TMEM165: variants seen among roughly 807,000 people sequenced by gnomAD.
The protein encoded by TMEM165 is transmembrane protein 165.
Under a neutral mutation model 30.0 loss-of-function variants are expected in TMEM165, and 19 were observed. The ratio of observed to expected loss-of-function variants is 0.63; its 90% confidence interval spans 0.44 to 0.93. The LOEUF is 0.93. Ranked by LOEUF, TMEM165 falls within the 40% of genes least tolerant of loss-of-function variation. The pLI is 0.00. For synonymous variants in TMEM165, 168 were observed against 162.9 expected (o/e 1.03, Z -0.24); for missense variants, 340 against 417.0 (o/e 0.82, Z 1.61).
intron 1 of TMEM165, among the ~76,000 whole-genome samples, chr4:55,404,576 C>T (rs1721195870): frequency 1.3e-5 from 2 of 151,822 alleles, no homozygotes; most frequent in South Asian, 4.1e-4. Flanking sequence ...CAGGTGCATG[C>T]CACCACACCT....
intron 3 of TMEM165, chr4:55,444,912 C>T (rs1039864215): frequency 1.5e-5 from 14 of 955,708 alleles, no homozygotes; most frequent in Middle Eastern, 3.0e-4. Flanking sequence ...TAGTTATGTC[C>T]CTTAGTTTCT....
At chr4:55,396,756 T>C (rs1720746607) in intron 1 of TMEM165, among the ~76,000 whole-genome samples, 2 of 152,214 alleles carry the variant, frequency 1.3e-5, no homozygotes, top group African/African-American at 4.8e-5. Flanking sequence ...AGGCTTTTTG[T>C]ATTCCCTGAG....
chr4:55,448,048 G>T (rs771918356), intron 3 of TMEM165, among the ~76,000 whole-genome samples: 3 of 152,158 alleles, frequency 2.0e-5, no homozygotes, highest in East Asian at 3.9e-4. Flanking sequence ...CTTAGGCCAA[G>T]AAACAATTCT....
intron 3 of TMEM165, chr4:55,442,213 C>A: frequency 1.8e-6 from 1 of 546,082 alleles, no homozygotes. Context: ...TATTTTGTAG[C>A]ATATTTTTGG....
At position 55,425,966 on chromosome 4, in the gene TMEM165, A is replaced by G. The variant is rs1722179808; in HGVS notation, c.*514A>G. ...ACATATATGATATTGCTGTTATATC[A>G]ATAACATGGCACAACAAGAACTGTC... is the stretch of plus-strand genomic sequence containing the variant. On this transcript the variant is annotated 3_prime_UTR_variant, in exon 6 of 6. Transcript: ENST00000381334. 6.6e-6 allele frequency: 1 copy of G among 152,256 alleles called. No homozygotes were observed. Among genetic ancestry groups the G allele is most frequent in the Non-Finnish European group, 1.5e-5 (1 of 68,052 alleles). The allele number at this position is 152,256 out of a possible 1,614,324, so 9.4% of individuals were successfully genotyped here.
At chr4:55,436,500 T>C (rs1722886103) in intron 3 of TMEM165, among the ~76,000 whole-genome samples, 1 of 152,200 alleles carries the variant, frequency 6.6e-6, no homozygotes, top group East Asian at 1.9e-4. Context: ...ATTTTTACAA[T>C]GAAAGTCCTT....
intron 3 of TMEM165, among the ~76,000 whole-genome samples, chr4:55,443,152 T>C (rs956091089): frequency 2.6e-5 from 4 of 152,170 alleles, no homozygotes; most frequent in African/African-American, 9.7e-5. Context: ...GTATAACTAC[T>C]AGACTACATC....
intron 1 of TMEM165, among the ~76,000 whole-genome samples, chr4:55,403,783 C>A (rs1721148892): frequency 6.6e-6 from 1 of 152,070 alleles, no homozygotes; most frequent in Non-Finnish European, 1.5e-5. Context: ...CAAGTATATT[C>A]TTCTGTGCCT....
intron 1 of TMEM165, among the ~76,000 whole-genome samples, chr4:55,402,128 A>AAAAAAAG (rs1019968951): frequency 6.8e-6 from 1 of 147,892 alleles, no homozygotes; most frequent in Admixed American, 6.7e-5. Context: ...CCAAAAAAAA[A>AAAAAAAG]AAAGAAACTA....
chr4:55,410,557 C>T (rs565379661), intron 1 of TMEM165, among the ~76,000 whole-genome samples: 18 of 152,222 alleles, frequency 1.2e-4, no homozygotes, highest in African/African-American at 4.3e-4. Flanking sequence ...TATAGGCTTC[C>T]GCCACCATGC....
Position 55,417,044 on chromosome 4 carries a change from A to G in TMEM165, c.434-28A>G. 1.9e-6 allele frequency: 3 copies of G among 1,554,246 alleles called. No individual in the cohort carries two copies. In the East Asian group the frequency reaches 6.9e-5, roughly 36 times the overall value. On this transcript the variant is annotated intron_variant, in intron 2 of 5. Transcript: ENST00000381334. Reference sequence around the variant, plus strand: ...CCTTGGTCGTGATACACACTCGATTAACAAACATACTGTTGTATTTTTTCC... The same window carrying G: ...CCTTGGTCGTGATACACACTCGATTGACAAACATACTGTTGTATTTTTTCC...
chr4:55,409,958 G>A (rs531174344), intron 1 of TMEM165, among the ~76,000 whole-genome samples: 24 of 151,966 alleles, frequency 1.6e-4, no homozygotes, highest in Middle Eastern at 3.4e-3. Flanking sequence ...ATGATACCCC[G>A]TCCTTCCTGG....
intron 2 of TMEM165, among the ~76,000 whole-genome samples, chr4:55,413,219 A>G (rs185690188): frequency 9.9e-5 from 15 of 152,218 alleles, no homozygotes; most frequent in East Asian, 1.9e-4. Flanking sequence ...GGCTCAAGCT[A>G]TCTTTCCACC....
intron 3 of TMEM165, chr4:55,443,605 T>C: frequency 9.6e-7 from 1 of 1,040,790 alleles, no homozygotes; most frequent in East Asian, 2.4e-5. Flanking sequence ...TATTTTATCA[T>C]TAGAGCTTTA....
At chr4:55,448,022 C>T (rs1259155595) in intron 3 of TMEM165, among the ~76,000 whole-genome samples, 2 of 152,190 alleles carry the variant, frequency 1.3e-5, no homozygotes, top group African/African-American at 4.8e-5. Context: ...TTTCCACATT[C>T]AGGCCTCCTT....
intron 3 of TMEM165, among the ~76,000 whole-genome samples, chr4:55,439,089 T>TG (rs1398718464): frequency 1.3e-5 from 2 of 152,146 alleles, no homozygotes; most frequent in African/African-American, 4.8e-5. Context: ...ATCCCACAGA[T>TG]GGGAGAAAAT....
At chr4:55,451,453 A>T (rs1724444538) in intron 3 of TMEM165, among the ~76,000 whole-genome samples, 1 of 152,148 alleles carries the variant, frequency 6.6e-6, no homozygotes, top group Admixed American at 6.6e-5. Flanking sequence ...GTGCTCCAAG[A>T]CACACCCATC....
chr4:55,438,413 G>C, intron 3 of TMEM165: 1 of 1,613,914 alleles, frequency 6.2e-7, no homozygotes, highest in South Asian at 1.1e-5. Context: ...TGTTGCTGTT[G>C]TGTAGCAAAA....
Position 55,424,216 on chromosome 4 carries a change from G to A in TMEM165, c.793-322G>A. ...TAGCTTAAAATCCTCCCTAGCACTT[G>A]TCATAGCAGTGCTACGTATTGCCTG... On this transcript the variant is annotated intron_variant, in intron 4 of 5. Transcript: ENST00000381334. The A allele has an allele frequency of 1.5e-5, 4 of 269,790 alleles. No homozygotes were observed. The South Asian group carries it at 2.5e-4, about 17-fold the overall frequency. 16.7% of individuals were successfully genotyped at this position (269,790 alleles called of 1,614,324 possible).
Sources: allele counts gnomAD v4.1 joint callset (sites outside exome capture counted in the v4.1 genomes callset), GRCh38; gene constraint gnomAD v4.1.1; transcripts MANE v1.5; gene names NCBI Gene and HGNC (gene_info 2026-07-23, HGNC 2026-07-21).